The following CPLX2 variants were observed in gnomAD, a reference collection of about 807,000 sequenced individuals.
CPLX2 encodes the protein complexin-2.
CPLX2 carries 5 observed loss-of-function variants against 16.3 expected under a neutral mutation model. The ratio of observed to expected loss-of-function variants is 0.31; its 90% CI spans 0.16 to 0.64. CPLX2 has a LOEUF of 0.64. Ranked by LOEUF, CPLX2 falls within the 30% of genes least tolerant of loss-of-function variation. The pLI, the probability that CPLX2 is intolerant of heterozygous loss-of-function variation, is 0.79. For synonymous variants in CPLX2, 89 were observed against 73.2 expected, an observed-to-expected ratio of 1.22 and a Z score of -1.10; for missense variants, 144 against 181.4, an observed-to-expected ratio of 0.79 and a Z score of 1.18.
In CPLX2 at chr5:175,872,590, C is replaced by T. The variant is rs1203081241; in HGVS notation, c.-89+885C>T. 2.0e-5 allele frequency among the ~76,000 whole-genome samples: 3 copies of T among 152,118 alleles called. No individual in the cohort carries two copies. The highest frequency in any genetic ancestry group is 2.9e-5 in the Non-Finnish European group (2 of 68,012). On this transcript the variant is annotated intron_variant, in intron 1 of 3. Coordinates refer to ENST00000393745, the MANE Select transcript of CPLX2 (RefSeq NM_001008220.2). This position sits in a 1 kb window ranked among gnomAD's most constrained non-coding sequence, Gnocchi z 5.0. ...CTCTCTTCTGGCCGGGAAACGGGAA[C>T]CCCCGGCCACTTCCGCTTTTCAGCC... is the stretch of plus-strand genomic sequence containing the variant.
intron 2 of CPLX2, among the ~76,000 whole-genome samples, chr5:175,852,995 C>A (rs1401937244): frequency 6.6e-6 from 1 of 152,184 alleles, no homozygotes; most frequent in Non-Finnish European, 1.5e-5. Context: ...CCTCCCTGTC[C>A]ATGACCAGAG....
At chr5:175,844,039 C>A (rs529665008) in intron 2 of CPLX2, among the ~76,000 whole-genome samples, 2 of 152,382 alleles carry the variant, frequency 1.3e-5, no homozygotes, top group South Asian at 4.1e-4. Context: ...CCAGAAATGA[C>A]CCTTGAGCCC....
At chr5:175,836,035 A>C (rs1758826757) in intron 2 of CPLX2, among the ~76,000 whole-genome samples, 1 of 152,136 alleles carries the variant, frequency 6.6e-6, no homozygotes, top group African/African-American at 2.4e-5. Flanking sequence ...CACCGCGCCC[A>C]GCCGCAAATG....
chr5:175,859,145 G>A (rs1759315999), intron 2 of CPLX2, among the ~76,000 whole-genome samples: 1 of 152,198 alleles, frequency 6.6e-6, no homozygotes, highest in Admixed American at 6.5e-5. Context: ...AACAAGCTAA[G>A]GAGACACATC....
At chr5:175,868,085 G>C (rs1205246308), upstream of CPLX2, among the ~76,000 whole-genome samples, 1 of 152,198 alleles carries the variant, frequency 6.6e-6, no homozygotes, top group South Asian at 2.1e-4. Flanking sequence ...CCAGTGTCTG[G>C]AGCATTTGAA....
chr5:175,867,216 T>C (rs1446364181), upstream of CPLX2, among the ~76,000 whole-genome samples: 17 of 152,062 alleles, frequency 1.1e-4, no homozygotes, highest in Admixed American at 1.1e-3. Flanking sequence ...CTGTGACACA[T>C]TTTGCCTGCA....
chr5:175,811,539 G>T (rs1758312415), intron 2 of CPLX2, among the ~76,000 whole-genome samples: 1 of 152,186 alleles, frequency 6.6e-6, no homozygotes, highest in Non-Finnish European at 1.5e-5. Flanking sequence ...TTGTGAAGAT[G>T]AGGTGCATTG....
At chr5:175,855,153 G>A (rs1273407790) in intron 2 of CPLX2, among the ~76,000 whole-genome samples, 1 of 152,216 alleles carries the variant, frequency 6.6e-6, no homozygotes, top group Non-Finnish European at 1.5e-5. Context: ...GCAGCTGGAT[G>A]AGAGCAGGAG....
At chr5:175,839,035 T>C (rs1229377709) in intron 2 of CPLX2, among the ~76,000 whole-genome samples, 1 of 152,122 alleles carries the variant, frequency 6.6e-6, no homozygotes, top group Non-Finnish European at 1.5e-5. Context: ...ACAAACCCAG[T>C]GTAATGCTTG....
chr5:175,854,925 G>C (rs1048011699), intron 2 of CPLX2, among the ~76,000 whole-genome samples: 1 of 152,234 alleles, frequency 6.6e-6, no homozygotes, highest in East Asian at 1.9e-4. Context: ...CTGCAACAAT[G>C]GCCAGACAGA....
intron 2 of CPLX2, among the ~76,000 whole-genome samples, chr5:175,859,272 C>G (rs1456372262): frequency 6.6e-6 from 1 of 152,230 alleles, no homozygotes; most frequent in Non-Finnish European, 1.5e-5. Context: ...TCCAAACACA[C>G]TCTGAAAGTC....
intron 2 of CPLX2, among the ~76,000 whole-genome samples, chr5:175,850,596 C>G (rs10866691): frequency 6.6e-5 from 10 of 152,002 alleles, no homozygotes; most frequent in African/African-American, 2.2e-4. Flanking sequence ...CTTCACCTCT[C>G]GGAAAATCAT....
chr5:175,827,304 G>A (rs1246568473), intron 2 of CPLX2, among the ~76,000 whole-genome samples: 1 of 152,232 alleles, frequency 6.6e-6, no homozygotes, highest in African/African-American at 2.4e-5. Flanking sequence ...AGCTTCCCCA[G>A]AGGAAATGGG....
Position 175,800,449 on chromosome 5 carries a change from C to T in CPLX2, c.-169+3665C>T, listed in dbSNP as rs993751932. 2.0e-5 allele frequency among the ~76,000 whole-genome samples: 3 copies of T among 150,778 alleles called. No homozygotes were observed. The South Asian group carries it at 6.3e-4, about 32-fold the overall frequency. On this transcript the variant is annotated intron_variant, in intron 1 of 4. Transcript: ENST00000359546. Reference sequence around the variant, plus strand: ...GCAGTGAGCTGAGATCATGCCACTGCACTCCAGCCTGGGCAACAAGGCAAG... The same window carrying T: ...GCAGTGAGCTGAGATCATGCCACTGTACTCCAGCCTGGGCAACAAGGCAAG...
chr5:175,828,046 C>G (rs1046874203), intron 2 of CPLX2, among the ~76,000 whole-genome samples: 1 of 152,112 alleles, frequency 6.6e-6, no homozygotes, highest in East Asian at 1.9e-4. Flanking sequence ...TTCTGGTATT[C>G]GGATGCTTTT....
At chr5:175,860,219 TG>T (rs1759335170) in intron 2 of CPLX2, among the ~76,000 whole-genome samples, 1 of 152,114 alleles carries the variant, frequency 6.6e-6, no homozygotes, top group Non-Finnish European at 1.5e-5. Flanking sequence ...GGTCAGGCAC[TG>T]TGGCTCATGC....
intron 2 of CPLX2, among the ~76,000 whole-genome samples, chr5:175,818,942 C>T (rs1016514487): frequency 2.6e-5 from 4 of 152,082 alleles, no homozygotes; most frequent in African/African-American, 9.7e-5. Context: ...GGATTACAGG[C>T]GTGAGCCACC....
chr5:175,872,507 G>C lies in CPLX2; in HGVS notation c.-89+802G>C, dbSNP rs550782352. Among the ~76,000 whole-genome samples the C allele has an allele frequency of 5.9e-5, 9 of 152,292 alleles. No individual in the cohort carries two copies. The East Asian group carries it at 1.5e-3, about 26-fold the overall frequency. Reference sequence around the variant, plus strand: ...GGCCCACCGGGAGATCCAGGACAGAGCTGCTGGGGGTGTGGGTCTCCGCGG... The same window carrying C: ...GGCCCACCGGGAGATCCAGGACAGACCTGCTGGGGGTGTGGGTCTCCGCGG... On this transcript the variant is annotated intron_variant, in intron 1 of 3. Transcript: ENST00000393745. This position sits in a 1 kb window ranked among gnomAD's most constrained non-coding sequence, Gnocchi z 5.0.
intron 2 of CPLX2, among the ~76,000 whole-genome samples, chr5:175,817,794 C>T (rs1758435713): frequency 1.3e-5 from 2 of 152,130 alleles, no homozygotes; most frequent in South Asian, 2.1e-4. Flanking sequence ...GAATGTGTAT[C>T]CATTTCTGGT....
Sources: gnomAD v4.1 joint callset for allele counts (sites outside exome capture counted in the v4.1 genomes callset) on GRCh38, gnomAD v4.1.1 for gene constraint, Gnocchi (gnomAD v3.1) non-coding constraint, MANE v1.5 for transcripts, NCBI Gene and HGNC (gene_info 2026-07-23, HGNC 2026-07-21) for gene names.